CDH23: variants seen among roughly 807,000 people sequenced by gnomAD.
The protein encoded by CDH23 is cadherin related 23.
In CDH23, 189 loss-of-function variants were observed where a neutral mutation model predicts 317.1. The observed-to-expected ratio is 0.60, with a 90% CI of 0.53 to 0.67. CDH23 has a LOEUF of 0.67. Ranked by LOEUF, CDH23 falls within the 30% of genes least tolerant of loss-of-function variation. CDH23 has a pLI of 0.00. For missense variants in CDH23, 4,401 were observed against 4,592.4 expected (o/e 0.96, Z 1.20); for synonymous variants, 1,839 against 1,876.8 (o/e 0.98, Z 0.52).
At chr10:71,547,344 G>A (rs60362293) in intron 6 of CDH23, among the ~76,000 whole-genome samples, 8,558 of 152,306 alleles carry the variant, frequency 0.056, 282 homozygotes, top group East Asian at 0.094. Context: ...CACAGGCAGC[G>A]GCTGGAGGCA....
intron 11 of CDH23, among the ~76,000 whole-genome samples, chr10:71,633,265 A>G (rs74145227): frequency 6.6e-6 from 1 of 152,042 alleles, no homozygotes; most frequent in African/African-American, 2.4e-5. Context: ...AAACCCTAGC[A>G]CCATCCTTCC....
intron 25 of CDH23, 147 bp from the exon 26 acceptor site, chr10:71,706,750 G>A: frequency 7.4e-7 from 1 of 1,358,004 alleles, no homozygotes; most frequent in Non-Finnish European, 9.9e-7. Flanking sequence ...CTTATGGCCA[G>A]GAGGTGTTGA....
chr10:71,800,861 C>T (rs966544444), intron 53 of CDH23, 106 bp downstream of exon 53: 21 of 1,469,344 alleles, frequency 1.4e-5, no homozygotes, highest in Middle Eastern at 2.3e-4. Context: ...CAGAGCCCCC[C>T]GGTCCCCTTT....
chr10:71,695,419 T>C lies in CDH23; in HGVS notation c.2291T>C (p.Val764Ala), dbSNP rs1313352092. ...GHNQKTGIAT[V>A]NITLLDINDN... ...CCAGCGCCCCTTATGGCTTCACAGG[T>C]AAACATCACCCTCCTGGACATCAAT... Residue 764 changes from valine to alanine, a missense_variant and splice_region_variant, in exon 22 of 70, where the codon GTA (valine) becomes GCA (alanine). Around this residue, in one of 3 missense-constraint regions of CDH23, gnomAD observed 3,068 missense variants for 3,203.3 expected, o/e 0.96. Transcript: ENST00000224721. The C allele has an allele frequency of 6.2e-7, 1 of 1,607,678 alleles. No individual in the cohort carries two copies. The highest frequency in any genetic ancestry group is 1.7e-5 in the Admixed American group (1 of 60,014).
chr10:71,790,361 C>G lies in CDH23; in HGVS notation c.5997C>G (p.Thr1999=). 2 of 1,613,766 alleles carry G rather than the reference C, an allele frequency of 1.2e-6. No individual in the cohort carries two copies. The highest frequency in any genetic ancestry group is 1.7e-6 in the Non-Finnish European group (2 of 1,179,850). Residue 1999 remains threonine (T), a synonymous_variant, in exon 46 of 70, where the codon ACC becomes ACG. Transcript: ENST00000224721. ...ACCAAGACATCTACGCCGTGGTGACCTACCAGCTGCTGGGTGCCCAGAGTG... is the reference window on the plus strand; with the variant it reads ...ACCAAGACATCTACGCCGTGGTGACGTACCAGCTGCTGGGTGCCCAGAGTG... ...DADQDIYAVV[T]YQLLGAQSGL...
In CDH23 at chr10:71,694,180, A is replaced by G. The variant is rs531412999; in HGVS notation, c.2210A>G (p.Glu737Gly). The stretch of plus-strand genomic sequence containing the variant: ...ACCACCACGTCTCTGCTTGACCGAG[A>G]GACCAAGTCTGAATACATCCTCATC... Reference protein sequence around the residue: ...EITTTSLLDRETKSEYILIVR... With the variant: ...EITTTSLLDRGTKSEYILIVR... The change falls in exon 21 of 70, where the codon GAG becomes GGG. Residue 737 changes from glutamate (E) to glycine (G), a missense_variant. Transcript: ENST00000224721. The G allele has an allele frequency of 5.0e-6, 8 of 1,613,638 alleles. No individual in the cohort carries two copies. In the Admixed American group the frequency reaches 1.2e-4, roughly 24 times the overall value.
At chr10:71,637,314 C>G (rs1862323569) in intron 11 of CDH23, among the ~76,000 whole-genome samples, 1 of 152,124 alleles carries the variant, frequency 6.6e-6, no homozygotes, top group Non-Finnish European at 1.5e-5. Flanking sequence ...CTGCTCCTTT[C>G]ATTTCTGGCC....
intron 66 of CDH23, 129 bp downstream of exon 66, chr10:71,812,144 C>CCACCCTACCTT: frequency 6.3e-7 from 1 of 1,594,202 alleles, no homozygotes; most frequent in Non-Finnish European, 8.6e-7. Flanking sequence ...GGTGGGCGGG[C>CCACCCTACCTT]CACCCTCCCT....
At chr10:71,494,642 G>A (rs895617891) in intron 3 of CDH23, among the ~76,000 whole-genome samples, 2 of 152,310 alleles carry the variant, frequency 1.3e-5, no homozygotes, top group South Asian at 2.1e-4. Flanking sequence ...TGGCAAGGCC[G>A]GGACTGCGGT....
At chr10:71,483,043 T>C (rs931124953) in intron 3 of CDH23, among the ~76,000 whole-genome samples, 1 of 152,214 alleles carries the variant, frequency 6.6e-6, no homozygotes, top group Non-Finnish European at 1.5e-5. Context: ...TTGCAGAAGA[T>C]ACAAAAATGC....
chr10:71,561,591 T>A (rs1857133928), intron 6 of CDH23, among the ~76,000 whole-genome samples: 1 of 152,194 alleles, frequency 6.6e-6, no homozygotes, highest in East Asian at 1.9e-4. Context: ...AAGATTTATT[T>A]GTCTCTGAAT....
At chr10:71,626,179 T>C (rs372984036) in intron 11 of CDH23, among the ~76,000 whole-genome samples, 100 of 152,352 alleles carry the variant, frequency 6.6e-4, no homozygotes, top group African/African-American at 2.3e-3. Context: ...CCTTGTATTT[T>C]AGTGTGTGGA....
At chr10:71,686,562 C>G (rs1418145317) in intron 18 of CDH23, among the ~76,000 whole-genome samples, 1 of 152,164 alleles carries the variant, frequency 6.6e-6, no homozygotes, top group Non-Finnish European at 1.5e-5. Flanking sequence ...AGCAGCGACT[C>G]CAGCAAAGGG....
chr10:71,752,046 C>T (rs948558353), intron 38 of CDH23: 1 of 738,494 alleles, frequency 1.4e-6, no homozygotes, highest in South Asian at 1.5e-5. Flanking sequence ...CTGCACCTGC[C>T]CACCTGTCCT....
intron 3 of CDH23, among the ~76,000 whole-genome samples, chr10:71,489,772 A>G (rs1852550953): frequency 6.6e-6 from 1 of 152,108 alleles, no homozygotes; most frequent in Non-Finnish European, 1.5e-5. Flanking sequence ...GTCTGGGACT[A>G]CTTTAAATTA....
intron 20 of CDH23, among the ~76,000 whole-genome samples, chr10:71,693,069 T>G (rs1438021261): frequency 3.3e-5 from 5 of 152,190 alleles, no homozygotes; most frequent in African/African-American, 1.2e-4. Flanking sequence ...ACATCTCACA[T>G]CTTCACCACG....
intron 11 of CDH23, among the ~76,000 whole-genome samples, chr10:71,635,745 GGAGA>G (rs540216109): frequency 1.3e-5 from 2 of 151,912 alleles, no homozygotes; most frequent in South Asian, 4.1e-4. Context: ...GAAAGGAAGA[GGAGA>G]GAGAGAAGAG....
chr10:71,429,746 C>T (rs1374111788), intron 1 of CDH23, among the ~76,000 whole-genome samples: 2 of 152,176 alleles, frequency 1.3e-5, no homozygotes, highest in African/African-American at 4.8e-5. Flanking sequence ...GGACTGGAAA[C>T]TATTTAGGGA....
intron 6 of CDH23, among the ~76,000 whole-genome samples, chr10:71,532,737 T>TTTTTTTTTTTTTTTG (rs1855471098): frequency 1.2e-5 from 1 of 86,222 alleles, no homozygotes; most frequent in Non-Finnish European, 2.3e-5. Context: ...GTTTTTTTTT[T>TTTTTTTTTTTTTTTG]TTTTTTTTTT....
Sources: gnomAD v4.1 joint callset for allele counts (sites outside exome capture counted in the v4.1 genomes callset) on GRCh38, gnomAD v4.1.1 for gene constraint, gnomAD v4.1.1 regional missense constraint, MANE v1.5 for transcripts, NCBI Gene and HGNC (gene_info 2026-07-23, HGNC 2026-07-21) for gene names.